PAQR5: variants seen among roughly 807,000 people sequenced by gnomAD.
PAQR5 encodes progestin and adipoQ receptor family member 5.
Under a neutral mutation model 34.5 loss-of-function variants are expected in PAQR5, and 20 were observed. That is an observed-to-expected ratio of 0.58 (90% confidence interval 0.41 to 0.84). The LOEUF is 0.84. Ranked by LOEUF, PAQR5 falls within the 40% of genes least tolerant of loss-of-function variation. The pLI, the probability that PAQR5 is intolerant of heterozygous loss-of-function variation, is 0.00. For missense variants in PAQR5, 378 were observed against 412.7 expected (o/e 0.92, Z 0.73); for synonymous variants, 131 against 155.6 (o/e 0.84, Z 1.18).
chr15:69,302,815 C>T (rs754753628), intron 1 of PAQR5, among the ~76,000 whole-genome samples: 24 of 152,186 alleles, frequency 1.6e-4, no homozygotes, highest in Non-Finnish European at 2.9e-4. Flanking sequence ...CCTGTACTCA[C>T]GCATGGCCCT....
rs545656679 is a variant in PAQR5, at chr15:69,316,860, C to A, written c.-277+17804C>A. Among the ~76,000 whole-genome samples, 84 of 152,082 alleles carry A rather than the reference C, an allele frequency of 5.5e-4. 1 individual carries two copies. Among genetic ancestry groups the A allele is most frequent in the African/African-American group, 1.9e-3 (79 of 41,490 alleles). ...TTTTGAGATGGAGTCTTGCTCTGTC[C>A]CCCAGGCTGCGTGCAGTGGTGGGAT... On this transcript the variant is annotated intron_variant, in intron 1 of 8. Coordinates refer to ENST00000395407, the MANE Select transcript of PAQR5 (RefSeq NM_017705.4).
chr15:69,397,615 A>G (rs2056484784), intron 7 of PAQR5, 51 bp downstream of exon 7: 1 of 1,238,078 alleles, frequency 8.1e-7, no homozygotes, highest in East Asian at 2.3e-5. Flanking sequence ...CCAGGAAGTC[A>G]GTTGTTTTCC....
chr15:69,338,071 T>C (rs2054552818), intron 2 of PAQR5, among the ~76,000 whole-genome samples: 1 of 152,092 alleles, frequency 6.6e-6, no homozygotes, highest in African/African-American at 2.4e-5. Flanking sequence ...AGCAAGACTC[T>C]GTCTCAAAAC....
At chr15:69,306,088 CAG>C (rs907566373) in intron 1 of PAQR5, among the ~76,000 whole-genome samples, 27 of 152,192 alleles carry the variant, frequency 1.8e-4, no homozygotes, top group Middle Eastern at 3.4e-3. Context: ...CCCTCAGTCT[CAG>C]AGGGAAGACA....
intron 1 of PAQR5, among the ~76,000 whole-genome samples, chr15:69,316,376 C>G (rs921004755): frequency 6.6e-6 from 1 of 151,988 alleles, no homozygotes; most frequent in Non-Finnish European, 1.5e-5. Context: ...CCACCGTGCC[C>G]GGCCATAAGG....
intron 1 of PAQR5, among the ~76,000 whole-genome samples, chr15:69,318,147 TC>T (rs1243293539): frequency 6.6e-6 from 1 of 152,174 alleles, no homozygotes; most frequent in Non-Finnish European, 1.5e-5. Flanking sequence ...ATTGGTGTGC[TC>T]TGGGAGCACC....
chr15:69,310,445 C>CA (rs778589714), intron 1 of PAQR5, among the ~76,000 whole-genome samples: 1 of 152,002 alleles, frequency 6.6e-6, no homozygotes. Context: ...ATCTGGAAGA[C>CA]AAAAAATGAT....
chr15:69,393,534 G>C (rs190303105), intron 6 of PAQR5, among the ~76,000 whole-genome samples: 1 of 147,650 alleles, frequency 6.8e-6, no homozygotes, highest in Admixed American at 6.8e-5. Context: ...TTTGGGCATC[G>C]TGCAATGTCG....
intron 2 of PAQR5, among the ~76,000 whole-genome samples, chr15:69,354,081 A>G (rs2054995308): frequency 6.6e-6 from 1 of 152,184 alleles, no homozygotes; most frequent in African/African-American, 2.4e-5. Context: ...ATTAAGGTCA[A>G]TGGGAAACTA....
At chr15:69,376,602 C>T (rs1002952658) in intron 3 of PAQR5, among the ~76,000 whole-genome samples, 16 of 152,150 alleles carry the variant, frequency 1.1e-4, no homozygotes, top group Admixed American at 4.6e-4. Flanking sequence ...ATCCTGTATC[C>T]GTCCATTTAT....
chr15:69,398,395 A>C (rs943742286), intron 7 of PAQR5, among the ~76,000 whole-genome samples: 6 of 152,156 alleles, frequency 3.9e-5, no homozygotes, highest in African/African-American at 1.4e-4. Flanking sequence ...CAGGACACAC[A>C]ACTCTCTAAG....
At chr15:69,347,521 G>T (rs544028166) in intron 2 of PAQR5, among the ~76,000 whole-genome samples, 2 of 152,152 alleles carry the variant, frequency 1.3e-5, no homozygotes, top group Non-Finnish European at 1.5e-5. Context: ...CTATAATCCA[G>T]AAAAAAGTGG....
chr15:69,374,270 G>A (rs1424049757), intron 3 of PAQR5, among the ~76,000 whole-genome samples: 1 of 152,174 alleles, frequency 6.6e-6, no homozygotes, highest in Non-Finnish European at 1.5e-5. Flanking sequence ...TTAATTGAGA[G>A]CCTAAGTATT....
intron 1 of PAQR5, among the ~76,000 whole-genome samples, chr15:69,310,459 T>C (rs1420662946): frequency 6.6e-6 from 1 of 152,240 alleles, no homozygotes; most frequent in Non-Finnish European, 1.5e-5. Flanking sequence ...AAATGATTTA[T>C]TGATATAGTT....
At chr15:69,371,221 C>A (rs1199272796) in intron 3 of PAQR5, among the ~76,000 whole-genome samples, 1 of 152,050 alleles carries the variant, frequency 6.6e-6, no homozygotes, top group African/African-American at 2.4e-5. Context: ...TGAGGTAGAA[C>A]AGCTGGAATT....
chr15:69,395,798 C>A (rs888799234), intron 6 of PAQR5, among the ~76,000 whole-genome samples: 1 of 152,080 alleles, frequency 6.6e-6, no homozygotes, highest in Non-Finnish European at 1.5e-5. Context: ...ATGATGCATC[C>A]TAGTTCCTTC....
At chr15:69,318,464 C>T (rs1224748985) in intron 1 of PAQR5, among the ~76,000 whole-genome samples, 1 of 152,202 alleles carries the variant, frequency 6.6e-6, no homozygotes, top group Non-Finnish European at 1.5e-5. Flanking sequence ...CTTGTCTCCT[C>T]AGAAAGATGG....
intron 1 of PAQR5, among the ~76,000 whole-genome samples, chr15:69,306,537 G>A (rs943829289): frequency 8.0e-5 from 12 of 149,750 alleles, no homozygotes; most frequent in African/African-American, 1.7e-4. Flanking sequence ...TCAACCTCCC[G>A]AGTAGCTGGG....
intron 3 of PAQR5, among the ~76,000 whole-genome samples, chr15:69,373,897 C>T (rs1345321213): frequency 1.3e-5 from 2 of 151,536 alleles, no homozygotes; most frequent in African/African-American, 4.8e-5. Flanking sequence ...AGCCACTGTG[C>T]CCAGTGCTAT....
Sources: allele counts gnomAD v4.1 joint callset (sites outside exome capture counted in the v4.1 genomes callset), GRCh38; gene constraint gnomAD v4.1.1; transcripts MANE v1.5; gene names NCBI Gene and HGNC (gene_info 2026-07-23, HGNC 2026-07-21).